TRAF2: variants seen among roughly 807,000 people sequenced by gnomAD.
TRAF2 encodes the protein TNF receptor associated factor 2, also known as TNF receptor-associated factor 2.
Under a neutral mutation model 55.6 loss-of-function variants are expected in TRAF2, and 6 were observed. That is an observed-to-expected ratio of 0.11 (90% CI 0.06 to 0.21). The LOEUF (loss-of-function observed/expected upper bound fraction) is 0.21. TRAF2 is among the 10% of genes least tolerant of loss of function. The pLI is 1.00. For missense variants in TRAF2, 561 were observed against 684.5 expected (o/e 0.82, Z 2.01); for synonymous variants, 329 against 276.3 (o/e 1.19, Z -1.89).
At chr9:136,906,945 C>CT (rs1849968472) in intron 4 of TRAF2, among the ~76,000 whole-genome samples, 1 of 152,242 alleles carries the variant, frequency 6.6e-6, no homozygotes, top group South Asian at 2.1e-4. Flanking sequence ...GTGCAGCTGC[C>CT]AGGCAGTCCT....
At chr9:136,899,706 A>G in intron 3 of TRAF2, 34 bp downstream of exon 3, 1 of 1,595,288 alleles carries the variant, frequency 6.3e-7, no homozygotes, top group East Asian at 2.3e-5. Flanking sequence ...AAAATGTTGA[A>G]CAGAAAATGT....
At position 136,912,013 on chromosome 9, in the gene TRAF2, C is replaced by CT. The variant is rs1447184149; in HGVS notation, c.603+2020dup. On this transcript the variant is annotated intron_variant, in intron 6 of 10. Transcript: ENST00000247668. Reference sequence around the variant, plus strand: ...TACAGGCGCCTGCCACCATGCCCGGCTAATTTTGTTTTTGTATTTTTAGTA... The same window carrying CT: ...TACAGGCGCCTGCCACCATGCCCGGCTTAATTTTGTTTTTGTATTTTTAGTA... Among the ~76,000 whole-genome samples, 11 of 151,542 alleles carry CT rather than the reference C, an allele frequency of 7.3e-5. No individual in the cohort carries two copies. In the East Asian group the frequency reaches 2.1e-3, roughly 29 times the overall value.
chr9:136,924,067 G>A (rs1850463112), intron 10 of TRAF2, 67 bp downstream of exon 10: 5 of 1,574,894 alleles, frequency 3.2e-6, no homozygotes, highest in Admixed American at 1.7e-5. Flanking sequence ...TGCAGCTTCT[G>A]TGGTGCAGGG....
intron 6 of TRAF2, among the ~76,000 whole-genome samples, chr9:136,916,129 G>A (rs1267376074): frequency 1.3e-5 from 2 of 152,120 alleles, no homozygotes; most frequent in South Asian, 2.1e-4. Flanking sequence ...TGGATTTTAC[G>A]TTTTGCTTCA....
chr9:136,887,027 C>A (rs550372184), intron 1 of TRAF2, among the ~76,000 whole-genome samples: 5 of 152,054 alleles, frequency 3.3e-5, no homozygotes, highest in African/African-American at 1.2e-4. Context: ...TTTGCCAGCG[C>A]CCCCCAGCCA....
At position 136,908,106 on chromosome 9, in the gene TRAF2, G is replaced by A. The variant is rs773154383; in HGVS notation, c.403G>A (p.Glu135Lys). ...AGGCCGCTGCCCGCTCATGCTGACC[G>A]AATGTCCCGCGTGCAAAGGCCTGGT... ...HEGRCPLMLTECPACKGLVRL... is the reference protein window; with the variant it reads ...HEGRCPLMLTKCPACKGLVRL... Residue 135 changes from glutamate to lysine, a missense_variant, in exon 5 of 11, where the codon GAA becomes AAA. By Grantham distance (56) the Glu-to-Lys change is moderately conservative. Around this residue, in one of 2 missense-constraint regions of TRAF2, gnomAD observed 426 missense variants for 476.8 expected, o/e 0.89. Transcript: ENST00000247668. 2.1e-5 allele frequency: 33 copies of A among 1,605,970 alleles called. No homozygotes were observed. Among genetic ancestry groups the A allele is most frequent in the Non-Finnish European group, 2.6e-5 (31 of 1,179,888 alleles).
At chr9:136,916,667 T>C in intron 7 of TRAF2, 52 bp downstream of exon 7, 1 of 1,558,480 alleles carries the variant, frequency 6.4e-7, no homozygotes, top group South Asian at 1.1e-5. Context: ...GGGTGTGGTC[T>C]TCACTGCCTC....
chr9:136,899,693 C>A, intron 3 of TRAF2, 21 bp downstream of exon 3: 1 of 1,605,766 alleles, frequency 6.2e-7, no homozygotes, highest in Non-Finnish European at 8.5e-7. Flanking sequence ...TGTCTTGAAG[C>A]TAAAAATGTT....
intron 4 of TRAF2, among the ~76,000 whole-genome samples, chr9:136,900,969 T>C (rs546568144): frequency 1.3e-5 from 2 of 152,204 alleles, no homozygotes; most frequent in Non-Finnish European, 2.9e-5. Flanking sequence ...TTGTGTCTCT[T>C]GTATCCACAA....
chr9:136,925,302 G>A (rs1035889494), intron 10 of TRAF2, among the ~76,000 whole-genome samples: 4 of 152,078 alleles, frequency 2.6e-5, no homozygotes, highest in Admixed American at 6.5e-5. Context: ...CTTCACGAGT[G>A]GGCAGTGGGT....
chr9:136,892,052 T>G (rs1297927591), intron 1 of TRAF2, among the ~76,000 whole-genome samples: 1 of 152,050 alleles, frequency 6.6e-6, no homozygotes, highest in Non-Finnish European at 1.5e-5. Context: ...AAAACGATCC[T>G]TTATTTTACT....
At chr9:136,911,372 C>A in intron 6 of TRAF2, among the ~76,000 whole-genome samples, 1 of 150,180 alleles carries the variant, frequency 6.7e-6, no homozygotes, top group East Asian at 2.0e-4. Flanking sequence ...TCAGGTGATT[C>A]TCCTGCCTCA....
At chr9:136,883,017 C>A (rs902549204), upstream of TRAF2, among the ~76,000 whole-genome samples, 1 of 151,940 alleles carries the variant, frequency 6.6e-6, no homozygotes, top group African/African-American at 2.4e-5. Context: ...ATTACAGGCA[C>A]CTGCCATCAT....
intron 4 of TRAF2, among the ~76,000 whole-genome samples, chr9:136,901,539 A>AG (rs1849820297): frequency 6.6e-6 from 1 of 152,194 alleles, no homozygotes; most frequent in African/African-American, 2.4e-5. Flanking sequence ...GATTCCACTT[A>AG]GGGGCCACCC....
At chr9:136,924,056 G>A (rs1214241595) in intron 10 of TRAF2, 56 bp downstream of exon 10, 5 of 1,593,756 alleles carry the variant, frequency 3.1e-6, no homozygotes, top group Non-Finnish European at 4.3e-6. Context: ...CCTCTGGGCA[G>A]TGCAGCTTCT....
rs536306939 is a variant in TRAF2 at position 136,900,121 on chromosome 9, C to T, written c.268-301C>T. Among the ~76,000 whole-genome samples, 7 of 149,812 alleles carry T rather than the reference C, an allele frequency of 4.7e-5. No homozygotes were observed. In the East Asian group the frequency reaches 5.9e-4, roughly 13 times the overall value. ...GGCGGAGGTTGCAGTGAGCCAAGATCGCATGCCACTGCACTCCAACCTGGG... is the reference window on the plus strand; with the variant it reads ...GGCGGAGGTTGCAGTGAGCCAAGATTGCATGCCACTGCACTCCAACCTGGG... On this transcript the variant is annotated intron_variant, in intron 3 of 10. Coordinates refer to ENST00000247668, the MANE Select transcript of TRAF2 (RefSeq NM_021138.4).
At chr9:136,900,542 A>G (rs368452477) in intron 4 of TRAF2, 22 bp downstream of exon 4, 17 of 1,601,884 alleles carry the variant, frequency 1.1e-5, no homozygotes, top group Non-Finnish European at 1.5e-5. Context: ...TGCGTGTGGC[A>G]TGGTGACAGA....
At chr9:136,924,865 A>G (rs575781241) in intron 10 of TRAF2, among the ~76,000 whole-genome samples, 12 of 152,052 alleles carry the variant, frequency 7.9e-5, no homozygotes, top group South Asian at 4.1e-4. Flanking sequence ...CAGCCTCCTG[A>G]GTAGCTGGGA....
intron 4 of TRAF2, among the ~76,000 whole-genome samples, chr9:136,906,473 A>T (rs1290707290): frequency 1.3e-5 from 2 of 152,120 alleles, no homozygotes; most frequent in Non-Finnish European, 2.9e-5. Context: ...ATCAGATCCC[A>T]TGAGACTTAC....
Sources: gnomAD v4.1 joint callset for allele counts (sites outside exome capture counted in the v4.1 genomes callset) on GRCh38, gnomAD v4.1.1 for gene constraint, gnomAD v4.1.1 regional missense constraint, MANE v1.5 for transcripts, NCBI Gene and HGNC (gene_info 2026-07-23, HGNC 2026-07-21) for gene names.